Variants in RXRA observed in about 807,000 individuals in gnomAD.
RXRA encodes retinoic acid receptor RXR-alpha.
A neutral mutation model predicts 44.5 loss-of-function variants in RXRA; 5 were observed. The observed-to-expected ratio is 0.11, with a 90% CI of 0.06 to 0.24. The LOEUF is 0.24. RXRA is among the 10% of genes least tolerant of loss of function. The pLI, the probability that RXRA is intolerant of heterozygous loss-of-function variation, is 1.00. For missense variants in RXRA, 412 were observed against 646.5 expected (o/e 0.64, Z 3.93); for synonymous variants, 291 against 271.4 (o/e 1.07, Z -0.71).
intron 1 of RXRA, among the ~76,000 whole-genome samples, chr9:134,329,672 C>T (rs991744139): frequency 2.6e-5 from 4 of 152,160 alleles, no homozygotes; most frequent in Admixed American, 6.5e-5. Context: ...GACTGGCTCC[C>T]GGCTCTGCCA....
chr9:134,422,678 G>T, intron 6 of RXRA: 2 of 985,312 alleles, frequency 2.0e-6, no homozygotes, highest in Admixed American at 1.2e-4. Context: ...CCCACTCCCG[G>T]GACACTCCCC....
intron 1 of RXRA, among the ~76,000 whole-genome samples, chr9:134,328,651 G>A (rs1441581507): frequency 1.3e-5 from 2 of 152,176 alleles, no homozygotes; most frequent in Non-Finnish European, 2.9e-5. Context: ...CCATTTAAGC[G>A]GCTACTTTTC....
intron 1 of RXRA, among the ~76,000 whole-genome samples, chr9:134,376,572 T>C (rs980524068): frequency 8.1e-5 from 1 of 12,378 alleles, no homozygotes; most frequent in East Asian, 4.3e-3. Context: ...GGGCGACCTT[T>C]GTGTGTTGGA....
Position 134,407,643 on chromosome 9 carries a change from G to A in RXRA, c.280-506G>A, listed in dbSNP as rs946454417. Among the ~76,000 whole-genome samples, 2 of 152,074 alleles carry A rather than the reference G, an allele frequency of 1.3e-5. No individual in the cohort carries two copies. The highest frequency in any genetic ancestry group is 6.5e-5 in the Admixed American group (1 of 15,288). On this transcript the variant is annotated intron_variant, in intron 2 of 9. Coordinates refer to ENST00000481739, the MANE Select transcript of RXRA (RefSeq NM_002957.6). This position sits in a 1 kb window ranked among gnomAD's most constrained non-coding sequence, Gnocchi z 4.8. Reference sequence around the variant, plus strand: ...CACGTGACCAGGGCCCCTGCCCTGCGGTGTTGTGGGGTGTATGTGTGGTTC... The same window carrying A: ...CACGTGACCAGGGCCCCTGCCCTGCAGTGTTGTGGGGTGTATGTGTGGTTC...
At chr9:134,420,481 A>G (rs1831311114) in intron 5 of RXRA, among the ~76,000 whole-genome samples, 1 of 152,156 alleles carries the variant, frequency 6.6e-6, no homozygotes, top group Non-Finnish European at 1.5e-5. Flanking sequence ...CGGGCCCCCA[A>G]GGGCTGCCCT....
At chr9:134,398,129 A>C (rs1830906893) in intron 1 of RXRA, among the ~76,000 whole-genome samples, 1 of 152,084 alleles carries the variant, frequency 6.6e-6, no homozygotes, top group Admixed American at 6.6e-5. Context: ...ACAGGCGTGC[A>C]CCACCATGCC....
chr9:134,389,733 C>G (rs1411812676), intron 1 of RXRA, among the ~76,000 whole-genome samples: 1 of 152,168 alleles, frequency 6.6e-6, no homozygotes, highest in Non-Finnish European at 1.5e-5. Flanking sequence ...GCAGACGTTC[C>G]TGCGGGAGGC....
At chr9:134,401,962 T>C (rs1588289124) in intron 2 of RXRA, 80 bp downstream of exon 2, 1 of 1,154,620 alleles carries the variant, frequency 8.7e-7, no homozygotes, top group Non-Finnish European at 1.2e-6. Context: ...GACCGCCTCA[T>C]CTTGAGGCCT....
At chr9:134,387,735 C>T (rs539598247) in intron 1 of RXRA, among the ~76,000 whole-genome samples, 6 of 152,350 alleles carry the variant, frequency 3.9e-5, no homozygotes, top group Non-Finnish European at 7.3e-5. Flanking sequence ...GTGCCTGCCT[C>T]GCACACTTGT....
intron 5 of RXRA, among the ~76,000 whole-genome samples, chr9:134,418,729 C>G (rs1361981305): frequency 6.6e-6 from 1 of 152,208 alleles, no homozygotes; most frequent in Non-Finnish European, 1.5e-5. Context: ...CACTGGCCAC[C>G]ACAGGGTGAG....
intron 1 of RXRA, among the ~76,000 whole-genome samples, chr9:134,333,455 T>C (rs567948889): frequency 2.1e-3 from 320 of 151,418 alleles, no homozygotes; most frequent in Non-Finnish European, 3.1e-3. Context: ...GGGCTGGGGG[T>C]GATGGGTGTC....
rs190078665 is a variant in RXRA at position 134,423,801 on chromosome 9, G to A, written c.910+1996G>A. The A allele has an allele frequency of 1.4e-3, 1,349 of 985,472 alleles. 3 individuals are homozygous for A. The highest frequency in any genetic ancestry group is 1.5e-3 in the Non-Finnish European group (1,266 of 829,928). The allele number at this position is 985,472 out of a possible 1,614,324, so 61.0% of individuals were successfully genotyped here. On this transcript the variant is annotated intron_variant, in intron 6 of 9. Coordinates refer to ENST00000481739, the MANE Select transcript of RXRA (RefSeq NM_002957.6). ...CGGTTCAGAGCCCCTGGCTTTGCCA[G>A]CTGCAGGCCTGCCTGACCCCAGTGG...
chr9:134,340,297 G>A (rs1245580624), intron 1 of RXRA, among the ~76,000 whole-genome samples: 1 of 152,222 alleles, frequency 6.6e-6, no homozygotes, highest in Non-Finnish European at 1.5e-5. Context: ...GCTGTAGGGG[G>A]CTGTGGAGGG....
chr9:134,337,540 C>T (rs1554747501), intron 1 of RXRA, among the ~76,000 whole-genome samples: 2 of 152,168 alleles, frequency 1.3e-5, no homozygotes, highest in South Asian at 2.1e-4. Flanking sequence ...TGACCCCAGT[C>T]TGGGGTGGAG....
intron 9 of RXRA, among the ~76,000 whole-genome samples, chr9:134,436,165 T>C (rs1009817639): frequency 6.6e-6 from 1 of 152,244 alleles, no homozygotes; most frequent in Admixed American, 6.5e-5. Flanking sequence ...TTTTAACTTC[T>C]TCACAAAGAG....
chr9:134,395,556 C>T (rs1454904724), intron 1 of RXRA, among the ~76,000 whole-genome samples: 1 of 152,198 alleles, frequency 6.6e-6, no homozygotes, highest in East Asian at 1.9e-4. Flanking sequence ...GTGTGCCAGG[C>T]CCCATCCTCC....
chr9:134,355,310 G>A (rs1554749947), intron 1 of RXRA, among the ~76,000 whole-genome samples: 1 of 152,208 alleles, frequency 6.6e-6, no homozygotes, highest in African/African-American at 2.4e-5. Flanking sequence ...GGCCAGGCCA[G>A]GCACTGTTAA....
At chr9:134,372,437 A>C (rs1338244918) in intron 1 of RXRA, among the ~76,000 whole-genome samples, 1 of 152,032 alleles carries the variant, frequency 6.6e-6, no homozygotes, top group Non-Finnish European at 1.5e-5. Flanking sequence ...TGGCTGGAGG[A>C]GGCCTGGCCC....
intron 5 of RXRA, among the ~76,000 whole-genome samples, chr9:134,420,283 A>T (rs1174255739): frequency 6.6e-6 from 1 of 152,238 alleles, no homozygotes; most frequent in East Asian, 1.9e-4. Flanking sequence ...GGAGAGGCTG[A>T]GGCTAAGAAG....
Sources: gnomAD v4.1 joint callset for allele counts (sites outside exome capture counted in the v4.1 genomes callset) on GRCh38, gnomAD v4.1.1 for gene constraint, Gnocchi (gnomAD v3.1) non-coding constraint, MANE v1.5 for transcripts, NCBI Gene and HGNC (gene_info 2026-07-23, HGNC 2026-07-21) for gene names.